PLEC: variants seen among roughly 807,000 people sequenced by gnomAD.
PLEC encodes plectin.
Under a neutral mutation model 392.8 loss-of-function variants are expected in PLEC, and 216 were observed. That is an observed-to-expected ratio of 0.55 (90% confidence interval 0.49 to 0.62). PLEC has a LOEUF of 0.62. Among genes scored for constraint, PLEC ranks in the 20% least tolerant of loss-of-function variants. The probability of loss-of-function intolerance (pLI) is 0.00; values close to 1 mark genes in which losing one functional copy is unlikely to be tolerated. For synonymous variants in PLEC, 3,621 were observed against 2,980.6 expected, an observed-to-expected ratio of 1.21 and a Z score of -7.00; for missense variants, 6,863 against 6,563.4, an observed-to-expected ratio of 1.05 and a Z score of -1.58.
In PLEC at chr8:143,933,182, C is replaced by T. The variant is rs1827917133; in HGVS notation, c.1418+15G>A. On this transcript the variant is annotated intron_variant, in intron 13 of 31. Coordinates refer to ENST00000345136, the MANE Select transcript of PLEC (RefSeq NM_201384.3). ...GTGTGTACCTGGGCTTCAGGGAGGG[C>T]AGGGCGGGGCCCACCTGCGGTACAT... 1 of 1,610,816 alleles carries T rather than the reference C, an allele frequency of 6.2e-7. No homozygotes were observed. The highest frequency in any genetic ancestry group is 1.1e-5 in the South Asian group (1 of 90,940).
chr8:143,923,079 T>G lies in PLEC; in HGVS notation c.6850A>C (p.Ser2284Arg). Residue 2284 changes from serine to arginine, a missense_variant, in exon 31 of 32, where the codon AGT becomes CGT. Ser to Arg is a moderately radical substitution (Grantham distance 110). Transcript: ENST00000345136. ...CGCGCAGCCTCTTGGGCCGCCACACTCAGCCGCGCGGCCTCCTCCGCCACC... is the reference window on the plus strand; with the variant it reads ...CGCGCAGCCTCTTGGGCCGCCACACGCAGCCGCGCGGCCTCCTCCGCCACC... ...KQVAEEAARL[S>R]VAAQEAARLR... The G allele has an allele frequency of 6.2e-7, 1 of 1,608,142 alleles. No individual in the cohort carries two copies. The highest frequency in any genetic ancestry group is 8.5e-7 in the Non-Finnish European group (1 of 1,179,674).
intron 10 of PLEC, 44 bp downstream of exon 10, chr8:143,934,591 G>C: frequency 1.2e-6 from 2 of 1,602,626 alleles, no homozygotes; most frequent in Non-Finnish European, 1.7e-6. Flanking sequence ...TTCAGGCCTG[G>C]GGCGTTCCAG....
At position 143,924,019 on chromosome 8, in the gene PLEC, C is replaced by T. The variant is rs370973974; in HGVS notation, c.5910G>A (p.Ala1970=). ...CCTCCGCCGCCAGCTGCCGCTGCCT[C>T]GCAGCCTCCAGCTCGGCCTGCTCCT... ...RSKEQAELEA[A]RQRQLAAEEE... is the part of the protein sequence containing the mutation. The change falls in exon 31 of 32, where the codon GCG becomes GCA. Residue 1970 remains alanine, a synonymous_variant. Coordinates refer to ENST00000345136, the MANE Select transcript of PLEC (RefSeq NM_201384.3). 95 of 1,589,576 alleles carry T rather than the reference C, an allele frequency of 6.0e-5. 1 individual carries two copies. Among genetic ancestry groups the T allele is most frequent in the African/African-American group, 1.5e-4 (11 of 74,766 alleles).
chr8:143,956,404 C>CA (rs1554739287), upstream of PLEC, among the ~76,000 whole-genome samples: 1 of 152,124 alleles, frequency 6.6e-6, no homozygotes, highest in Non-Finnish European at 1.5e-5. Flanking sequence ...ACCGTCTCTG[C>CA]AAAAAACTAA....
intron 12 of PLEC, 56 bp downstream of exon 12, chr8:143,933,942 C>T (rs1167566468): frequency 1.8e-5 from 26 of 1,468,114 alleles, no homozygotes; most frequent in East Asian, 4.8e-5. Context: ...GGCTGCAGGG[C>T]GGGGCAGGCT....
rs373221825 is a variant in PLEC, at chr8:143,919,843, G to A, written c.9978C>T (p.Ala3326=). Residue 3326 remains alanine (A), a synonymous_variant, in exon 32 of 32, where the codon GCC becomes GCT. Transcript: ENST00000345136. ...TGCCGTCCTTGAGCTGCTCAAACTGGGCTCTGCTGAGGACCCCGGAAGCCA... is the reference window on the plus strand; with the variant it reads ...TGCCGTCCTTGAGCTGCTCAAACTGAGCTCTGCTGAGGACCCCGGAAGCCA... ...ELLASGVLSR[A]QFEQLKDGKT... 2.2e-5 allele frequency: 36 copies of A among 1,613,032 alleles called. No individual in the cohort carries two copies. Among genetic ancestry groups the A allele is most frequent in the Non-Finnish European group, 2.9e-5 (34 of 1,180,050 alleles).
rs782670959 is a variant in PLEC at position 143,929,916 on chromosome 8, C to T, written c.2739+20G>A. 5.4e-5 allele frequency: 87 copies of T among 1,607,004 alleles called. No homozygotes were observed. Among genetic ancestry groups the T allele is most frequent in the East Asian group, 4.5e-5 (2 of 44,802 alleles). On this transcript the variant is annotated intron_variant, in intron 22 of 31. Transcript: ENST00000345136. ...CCCCTCCTCCCACCCAGAGAGCCCC[C>T]GGCTCGGGGGCAGGCGTACCGTGGC...
At chr8:143,956,971 G>C (rs1241303907), upstream of PLEC, among the ~76,000 whole-genome samples, 3 of 152,234 alleles carry the variant, frequency 2.0e-5, no homozygotes, top group Non-Finnish European at 2.9e-5. Flanking sequence ...GCCGCAGGCA[G>C]CCAGCACAGG....
In PLEC at chr8:143,929,939, G is replaced by A. The variant is rs558031489; in HGVS notation, c.2736C>T (p.Ala912=). 49 of 1,609,964 alleles carry A rather than the reference G, an allele frequency of 3.0e-5. No homozygotes were observed. The South Asian group carries it at 4.9e-4, about 16-fold the overall frequency. Residue 912 remains alanine, a synonymous_variant, in exon 22 of 32, where the codon GCC becomes GCT. Transcript: ENST00000345136. The part of the protein sequence containing the change: ...DVQLIRSWSL[A]TFRTLKPEEQ... ...CCCGGCTCGGGGGCAGGCGTACCGT[G>A]GCCAGGGACCAGGAGCGGATGAGCT...
chr8:143,927,457 G>A lies in PLEC; in HGVS notation c.3709C>T (p.Pro1237Ser), dbSNP rs1554707495. 1 of 1,598,150 alleles carries A rather than the reference G, an allele frequency of 6.3e-7. No individual in the cohort carries two copies. Among genetic ancestry groups the A allele is most frequent in the African/African-American group, 1.3e-5 (1 of 74,964 alleles). ...CGCACAGCCTGGCTGTCGGCCAGCG[G>A]CATGGCCTGGATCTGCTCCTGCCGC... Reference protein sequence around the residue: ...RRRQEQIQAMPLADSQAVREQ... With the variant: ...RRRQEQIQAMSLADSQAVREQ... The change falls in exon 27 of 32, where the codon CCG (proline) becomes TCG (serine). Residue 1237 changes from proline to serine, a missense_variant. By Grantham distance (74) the Pro-to-Ser change is moderately conservative. Coordinates refer to ENST00000345136, the MANE Select transcript of PLEC (RefSeq NM_201384.3).
Position 143,944,745 on chromosome 8 carries a change from A to G in PLEC, c.523+5439T>C, listed in dbSNP as rs1008488357. ...TCACAGGCCCCTCGGAGGAGGCACA[A>G]GCCACTGGCGGCAGCGTCGGGTGGG... On this transcript the variant is annotated intron_variant, in intron 1 of 31. Coordinates refer to the PLEC transcript ENST00000322810. The G allele has an allele frequency of 3.2e-6, 4 of 1,266,234 alleles. 1 individual carries two copies. The South Asian group carries it at 1.4e-4, about 46-fold the overall frequency. 78.4% of individuals were successfully genotyped at this position (1,266,234 alleles called of 1,614,324 possible). A position where few individuals can be genotyped will look rare whatever the true frequency, so the allele number is the denominator to read the frequency against.
At chr8:143,967,191 G>A (rs1486475819) in intron 1 of PLEC, among the ~76,000 whole-genome samples, 5 of 151,554 alleles carry the variant, frequency 3.3e-5, no homozygotes, top group Admixed American at 6.6e-5. Context: ...GTGAAACCCC[G>A]TCTCTACTAA....
intron 1 of PLEC, among the ~76,000 whole-genome samples, chr8:143,960,860 G>T (rs1201118038): frequency 6.6e-6 from 1 of 152,198 alleles, no homozygotes; most frequent in Non-Finnish European, 1.5e-5. Context: ...AATACCATGT[G>T]ATTCTTGGTT....
At chr8:143,935,419 C>G (rs1248319362) in intron 6 of PLEC, 106 bp from the exon 7 acceptor site, 8 of 775,804 alleles carry the variant, frequency 1.0e-5, no homozygotes, top group South Asian at 1.0e-4. Flanking sequence ...AACCATGGAC[C>G]CCCCCAACAC....
rs782259190 is a variant in PLEC, at chr8:143,927,574, G to C, written c.3592C>G (p.Arg1198Gly). 1 of 1,590,206 alleles carries C rather than the reference G, an allele frequency of 6.3e-7. No individual in the cohort carries two copies. Among genetic ancestry groups the C allele is most frequent in the Non-Finnish European group, 8.5e-7 (1 of 1,175,812 alleles). Residue 1198 changes from arginine (R) to glycine (G), a missense_variant, in exon 27 of 32, where the codon CGG becomes GGG. Transcript: ENST00000345136. ...CCCAGTTGCTCGAGCTCGCGCTGCC[G>C]CACGTCGGTCTGGGCCAGCACAGCC... is the stretch of plus-strand genomic sequence containing the variant. ...WQAVLAQTDV[R>G]QRELEQLGRQ...
chr8:143,928,994 T>C (rs1288381138), intron 25 of PLEC, 109 bp downstream of exon 25: 5 of 1,032,146 alleles, frequency 4.8e-6, no homozygotes, highest in African/African-American at 4.7e-5. Flanking sequence ...GCCAGATCTC[T>C]GAACAGCCCC....
chr8:143,961,417 C>T (rs1310592009), intron 1 of PLEC, among the ~76,000 whole-genome samples: 2 of 152,064 alleles, frequency 1.3e-5, no homozygotes, highest in Non-Finnish European at 2.9e-5. Context: ...GTAGAGACAG[C>T]GTTTCACCAT....
chr8:143,927,508 C>T lies in PLEC; in HGVS notation c.3658G>A (p.Gly1220Ser), dbSNP rs1246746228. 1 of 1,597,406 alleles carries T rather than the reference C, an allele frequency of 6.3e-7. No homozygotes were observed. The highest frequency in any genetic ancestry group is 8.5e-7 in the Non-Finnish European group (1 of 1,178,908). The change falls in exon 27 of 32, where the codon GGC becomes AGC. Residue 1220 changes from glycine (G) to serine (S), a missense_variant. By Grantham distance (56) the Gly-to-Ser change is moderately conservative. Transcript: ENST00000345136. ...RYYRESADPLGAWLQDARRRQ... is the reference protein window; with the variant it reads ...RYYRESADPLSAWLQDARRRQ... ...CGCCTGGCGTCCTGCAGCCAGGCGC[C>T]CAAGGGGTCTGCACTCTCGCGGTAG...
chr8:143,926,014 C>G, intron 30 of PLEC, 130 bp from the exon 31 acceptor site: 2 of 1,082,538 alleles, frequency 1.8e-6, no homozygotes. Flanking sequence ...GAGGCCCCAG[C>G]CCGGCGGAGG....
Sources: allele counts gnomAD v4.1 joint callset (sites outside exome capture counted in the v4.1 genomes callset), GRCh38; gene constraint gnomAD v4.1.1; transcripts MANE v1.5; gene names NCBI Gene and HGNC (gene_info 2026-07-23, HGNC 2026-07-21).